The following PEAR1 variants were observed in gnomAD, a reference collection of about 807,000 sequenced individuals.
The protein encoded by PEAR1 is platelet endothelial aggregation receptor 1.
In PEAR1, 113 loss-of-function variants were observed where a neutral mutation model predicts 131.2. The ratio of observed to expected loss-of-function variants is 0.86; its 90% CI spans 0.74 to 1.01. The LOEUF is 1.01. Ranked by LOEUF, PEAR1 falls within the 50% of genes least tolerant of loss-of-function variation. The probability of loss-of-function intolerance (pLI) is 0.00; values close to 1 mark genes in which losing one functional copy is unlikely to be tolerated. For missense variants in PEAR1, 1,408 were observed against 1,391.1 expected (o/e 1.01, Z -0.19); for synonymous variants, 565 against 523.3 (o/e 1.08, Z -1.09).
At position 156,908,347 on chromosome 1, in the gene PEAR1, C is replaced by A. The variant is rs984318559; in HGVS notation, c.1115+7C>A. The A allele has an allele frequency of 3.3e-6, 5 of 1,505,360 alleles. No individual in the cohort carries two copies. The highest frequency in any genetic ancestry group is 4.4e-6 in the Non-Finnish European group (5 of 1,127,604). 93.3% of individuals were successfully genotyped at this position (1,505,360 alleles called of 1,614,324 possible). Reference sequence around the variant, plus strand: ...ACCGGGAGCACAGCCTCAGGTGGGCCGCGGGACATGTGGTCAAAGGATCAG... The same window carrying A: ...ACCGGGAGCACAGCCTCAGGTGGGCAGCGGGACATGTGGTCAAAGGATCAG... On this transcript the variant is annotated splice_region_variant and intron_variant, in intron 9 of 22. Coordinates refer to ENST00000292357, the MANE Select transcript of PEAR1 (RefSeq NM_001080471.3). The surrounding 1 kb of genome is among the most constrained non-coding windows in gnomAD (Gnocchi z 4.2).
At position 156,915,277 on chromosome 1, in the gene PEAR1, A is replaced by C. The variant is rs183663552; in HGVS notation, c.*479A>C. On this transcript the variant is annotated 3_prime_UTR_variant, in exon 23 of 23. Coordinates refer to ENST00000292357, the MANE Select transcript of PEAR1 (RefSeq NM_001080471.3). ...CTGGCCTCCTCCATTGATTCAGTGA[A>C]CCTTCCAATGCATGGCTCATAATTT... The C allele has an allele frequency of 3.5e-4, 53 of 153,400 alleles. No individual in the cohort carries two copies. Among genetic ancestry groups the C allele is most frequent in the Non-Finnish European group, 6.1e-4 (42 of 68,854 alleles). 9.5% of individuals were successfully genotyped at this position (153,400 alleles called of 1,614,324 possible).
chr1:156,911,801 AG>A (rs1251752731), intron 15 of PEAR1, among the ~76,000 whole-genome samples: 1 of 152,230 alleles, frequency 6.6e-6, no homozygotes, highest in Non-Finnish European at 1.5e-5. Context: ...GGCGGGGTAA[AG>A]AAGGAAGTCA....
chr1:156,908,486 C>CT lies in PEAR1; in HGVS notation c.1115+147dup. ...AGGGACCTCAGGGGCCGGGAGGGGC[C>CT]TGGGGTACCGCTACTTGCCCCAACC... On this transcript the variant is annotated intron_variant, in intron 9 of 22. Coordinates refer to ENST00000292357, the MANE Select transcript of PEAR1 (RefSeq NM_001080471.3). This position sits in a 1 kb window ranked among gnomAD's most constrained non-coding sequence, Gnocchi z 4.2. The CT allele has an allele frequency of 8.1e-7, 1 of 1,235,096 alleles. No homozygotes were observed. The highest frequency in any genetic ancestry group is 1.6e-5 in the South Asian group (1 of 63,242). 76.5% of individuals were successfully genotyped at this position (1,235,096 alleles called of 1,614,324 possible). A position where few individuals can be genotyped will look rare whatever the true frequency, so the allele number is the denominator to read the frequency against.
At chr1:156,895,206 C>T (rs534307152) in intron 1 of PEAR1, among the ~76,000 whole-genome samples, 6 of 152,232 alleles carry the variant, frequency 3.9e-5, no homozygotes, top group Admixed American at 3.3e-4. Context: ...ACCCTCTGTC[C>T]CCCCTCAACA....
chr1:156,913,927 A>G lies in PEAR1; in HGVS notation c.2789A>G (p.Asp930Gly), dbSNP rs778091760. ...SSENPYATIR[D>G]LPSLPGGPRE... ...GAGAACCCATATGCCACCATCCGGGACCTGCCCAGCTTGCCAGGGGGCCCC... is the reference window on the plus strand; with the variant it reads ...GAGAACCCATATGCCACCATCCGGGGCCTGCCCAGCTTGCCAGGGGGCCCC... Residue 930 changes from aspartate (D) to glycine (G), a missense_variant, in exon 22 of 23, where the codon GAC (aspartate) becomes GGC (glycine). Transcript: ENST00000292357. 4.2e-5 allele frequency: 68 copies of G among 1,613,864 alleles called. No individual in the cohort carries two copies. The highest frequency in any genetic ancestry group is 5.8e-5 in the Non-Finnish European group (68 of 1,180,008).
Position 156,912,298 on chromosome 1 carries a change from A to G in PEAR1, c.2003A>G (p.His668Arg). 1 of 1,613,984 alleles carries G rather than the reference A, an allele frequency of 6.2e-7. No homozygotes were observed. Among genetic ancestry groups the G allele is most frequent in the Non-Finnish European group, 8.5e-7 (1 of 1,179,974 alleles). ...GENCAQTCQCHHGGTCHPQDG... is the reference protein window; with the variant it reads ...GENCAQTCQCRHGGTCHPQDG... ...AACTGTGCCCAGACCTGCCAATGTC[A>G]CCATGGTGGGACCTGCCATCCCCAG... Residue 668 changes from histidine to arginine, a missense_variant, in exon 16 of 23, where the codon CAC becomes CGC. By Grantham distance (29) the His-to-Arg change is conservative. Coordinates refer to ENST00000292357, the MANE Select transcript of PEAR1 (RefSeq NM_001080471.3).
intron 1 of PEAR1, among the ~76,000 whole-genome samples, 182 bp from the exon 2 acceptor site, chr1:156,903,736 C>T (rs753596932): frequency 3.0e-4 from 46 of 152,134 alleles, no homozygotes; most frequent in Non-Finnish European, 5.3e-4. Flanking sequence ...AGACCGGAGG[C>T]GTGGAAGTGA....
In PEAR1 at chr1:156,907,641, G is replaced by A. The variant is rs1456175695; in HGVS notation, c.676G>A (p.Gly226Ser). The change falls in exon 7 of 23, where the codon GGC becomes AGC. Residue 226 changes from glycine (G) to serine (S), a missense_variant. Physicochemically the swap from Gly to Ser is moderately conservative, Grantham distance 56 (BLOSUM62 0). Transcript: ENST00000292357. ...CGTGTCCTGTTCCCAGGGCACTTCT[G>A]GCTTCTTCTGCCCCAGCACCCATTC... ...CDVSCSQGTS[G>S]FFCPSTHSCQ... The A allele has an allele frequency of 6.8e-6, 11 of 1,613,798 alleles. No homozygotes were observed. The highest frequency in any genetic ancestry group is 9.3e-6 in the Non-Finnish European group (11 of 1,179,880).
At position 156,913,736 on chromosome 1, in the gene PEAR1, G is replaced by A; in HGVS notation, c.2689G>A (p.Gly897Ser). 1.2e-6 allele frequency: 2 copies of A among 1,614,062 alleles called. No individual in the cohort carries two copies. Among genetic ancestry groups the A allele is most frequent in the Non-Finnish European group, 1.7e-6 (2 of 1,179,978 alleles). Residue 897 changes from glycine (G) to serine (S), a missense_variant, in exon 21 of 23, where the codon GGC (glycine) becomes AGC (serine). Transcript: ENST00000292357. The stretch of plus-strand genomic sequence containing the variant: ...AAGCTACAGCTATAGCTACAGCAAT[G>A]GCCCAGGCCCATTCTACAATAAAGG... ...DRSYSYSYSNGPGPFYNKGLI... is the reference protein window; with the variant it reads ...DRSYSYSYSNSPGPFYNKGLI...
chr1:156,913,259 C>T lies in PEAR1; in HGVS notation c.2488C>T (p.Pro830Ser). 1.2e-6 allele frequency: 2 copies of T among 1,610,090 alleles called. No individual in the cohort carries two copies. The highest frequency in any genetic ancestry group is 1.3e-5 in the African/African-American group (1 of 74,892). Residue 830 changes from proline (P) to serine (S), a missense_variant, in exon 19 of 23, where the codon CCA becomes TCA. Coordinates refer to ENST00000292357, the MANE Select transcript of PEAR1 (RefSeq NM_001080471.3). ...CTACCACACCCTGTCGCAGTGCTCCCCAAACCCCCCACCCCCTAACAAGGT... is the reference window on the plus strand; with the variant it reads ...CTACCACACCCTGTCGCAGTGCTCCTCAAACCCCCCACCCCCTAACAAGGT... ...PSYHTLSQCS[P>S]NPPPPNKVPG...
rs1651795739 is a variant in PEAR1 at position 156,915,625 on chromosome 1, A to G, written c.*827A>G. The G allele has an allele frequency of 6.6e-6, 1 of 152,256 alleles. No individual in the cohort carries two copies. Among genetic ancestry groups the G allele is most frequent in the African/African-American group, 2.4e-5 (1 of 41,432 alleles). 9.4% of individuals were successfully genotyped at this position (152,256 alleles called of 1,614,324 possible). ...TGCCCACCCTCCGTACATCTTTCAC[A>G]GCCCTGATTGCAGCTGTGTTCACTC... On this transcript the variant is annotated 3_prime_UTR_variant, in exon 23 of 23. Coordinates refer to ENST00000292357, the MANE Select transcript of PEAR1 (RefSeq NM_001080471.3).
intron 1 of PEAR1, among the ~76,000 whole-genome samples, chr1:156,899,800 C>T (rs1383425986): frequency 6.6e-6 from 1 of 152,090 alleles, no homozygotes; most frequent in African/African-American, 2.4e-5. Flanking sequence ...GGGATTCACA[C>T]CCAGGCTTGA....
Position 156,904,052 on chromosome 1 carries a change from G to A in PEAR1, c.101+25G>A, listed in dbSNP as rs1489104238. The A allele has an allele frequency of 1.9e-6, 3 of 1,586,056 alleles. No homozygotes were observed. The African/African-American group carries it at 4.0e-5, about 21-fold the overall frequency. ...GGTGAGAGGGCCCCTGCTGCACCTTGAGGGCACCAAGCCCTAGCTCCCGAT... is the reference window on the plus strand; with the variant it reads ...GGTGAGAGGGCCCCTGCTGCACCTTAAGGGCACCAAGCCCTAGCTCCCGAT... On this transcript the variant is annotated intron_variant, in intron 2 of 22. Transcript: ENST00000292357.
At chr1:156,898,920 T>C (rs1157629320) in intron 1 of PEAR1, among the ~76,000 whole-genome samples, 2 of 151,798 alleles carry the variant, frequency 1.3e-5, no homozygotes, top group Non-Finnish European at 2.9e-5. Context: ...AGGAAGGGGA[T>C]GGGGAAAGGC....
chr1:156,912,551 G>C lies in PEAR1; in HGVS notation c.2138G>C (p.Gly713Ala). The change falls in exon 17 of 23, where the codon GGA (glycine) becomes GCA (alanine). Residue 713 changes from glycine (G) to alanine (A), a missense_variant. Gly to Ala is a moderately conservative substitution (Grantham distance 60, BLOSUM62 0). Coordinates refer to ENST00000292357, the MANE Select transcript of PEAR1 (RefSeq NM_001080471.3). The part of the protein sequence containing the change: ...NCSQPCQCGP[G>A]EKCHPETGAC... ...TCCCAGCCATGCCAGTGTGGTCCTG[G>C]AGAAAAGTGCCACCCAGAGACTGGG... 6.2e-7 allele frequency: 1 copy of C among 1,614,094 alleles called. No individual in the cohort carries two copies. The highest frequency in any genetic ancestry group is 1.7e-4 in the Middle Eastern group (1 of 6,060).
chr1:156,910,802 G>A (rs1159662156), intron 15 of PEAR1, 59 bp downstream of exon 15: 6 of 1,600,184 alleles, frequency 3.7e-6, no homozygotes, highest in Admixed American at 1.7e-5. Flanking sequence ...TGCTGAGGAC[G>A]GGAGGTCTCT....
At position 156,908,986 on chromosome 1, in the gene PEAR1, A is replaced by G; in HGVS notation, c.1361A>G (p.Glu454Gly). The change falls in exon 11 of 23, where the codon GAA becomes GGA. Residue 454 changes from glutamate to glycine, a missense_variant. Physicochemically the swap from Glu to Gly is moderately conservative, Grantham distance 98 (BLOSUM62 -2). Coordinates refer to ENST00000292357, the MANE Select transcript of PEAR1 (RefSeq NM_001080471.3). This position sits in a 1 kb window ranked among gnomAD's most constrained non-coding sequence, Gnocchi z 4.2. ...AACTGTTCTGCACGCTGCTCATGTG[A>G]AAATGCCATCGCCTGCTCACCCATC... ...GVNCSARCSC[E>G]NAIACSPIDG... The G allele has an allele frequency of 6.2e-7, 1 of 1,614,130 alleles. No homozygotes were observed. Among genetic ancestry groups the G allele is most frequent in the Non-Finnish European group, 8.5e-7 (1 of 1,180,026 alleles).
chr1:156,908,716 G>C lies in PEAR1; in HGVS notation c.1177G>C (p.Glu393Gln), dbSNP rs756863245. Reference sequence around the variant, plus strand: ...GGGCTGGGCGGGCCTCCACTGCAACGAGAGCTGCCCGCAGGACACGCATGG... The same window carrying C: ...GGGCTGGGCGGGCCTCCACTGCAACCAGAGCTGCCCGCAGGACACGCATGG... Reference protein sequence around the residue: ...LPGWAGLHCNESCPQDTHGPG... With the variant: ...LPGWAGLHCNQSCPQDTHGPG... The change falls in exon 10 of 23, where the codon GAG becomes CAG. Residue 393 changes from glutamate to glutamine, a missense_variant. Physicochemically the swap from Glu to Gln is conservative, Grantham distance 29 (BLOSUM62 2). Coordinates refer to ENST00000292357, the MANE Select transcript of PEAR1 (RefSeq NM_001080471.3). The surrounding 1 kb of genome is among the most constrained non-coding windows in gnomAD (Gnocchi z 4.2). The C allele has an allele frequency of 1.8e-5, 28 of 1,547,560 alleles. No homozygotes were observed. The highest frequency in any genetic ancestry group is 3.5e-5 in the South Asian group (3 of 85,256).
In PEAR1 at chr1:156,913,501, C is replaced by T. The variant is rs1260995756; in HGVS notation, c.2622C>T (p.Pro874=). ...LPADWKHRRE[P]PPGPLDRGSS... is the part of the protein sequence containing the mutation. ...CTGACTGGAAGCACCGCCGGGAGCC[C>T]CCTCCAGGGCCTCTGGACAGGGGTA... is the stretch of plus-strand genomic sequence containing the variant. The change falls in exon 20 of 23, where the codon CCC becomes CCT. Residue 874 remains proline (P), a synonymous_variant. Coordinates refer to ENST00000292357, the MANE Select transcript of PEAR1 (RefSeq NM_001080471.3). 6.2e-7 allele frequency: 1 copy of T among 1,612,874 alleles called. No homozygotes were observed. Among genetic ancestry groups the T allele is most frequent in the Non-Finnish European group, 8.5e-7 (1 of 1,180,004 alleles).
Sources: allele counts gnomAD v4.1 joint callset (sites outside exome capture counted in the v4.1 genomes callset), GRCh38; gene constraint gnomAD v4.1.1; non-coding constraint Gnocchi (gnomAD v3.1); transcripts MANE v1.5; gene names NCBI Gene and HGNC (gene_info 2026-07-23, HGNC 2026-07-21).